LYPLAL1: variants seen among roughly 807,000 people sequenced by gnomAD.
LYPLAL1 encodes lysophospholipase like 1.
In LYPLAL1, 23 loss-of-function variants were observed where a neutral mutation model predicts 19.7. The observed-to-expected ratio is 1.17, with a 90% CI of 0.84 to 1.65. The LOEUF (loss-of-function observed/expected upper bound fraction) is 1.65. LYPLAL1 is among the 40% of genes most tolerant of loss of function. The pLI is 0.00. For missense variants in LYPLAL1, 355 were observed against 279.4 expected (o/e 1.27, Z -1.93); for synonymous variants, 119 against 96.3 (o/e 1.24, Z -1.38).
At chr1:219,223,084 CTG>C in the LYPLAL1 span, 1 of 151,946 alleles carries the variant, frequency 6.6e-6, no homozygotes, top group East Asian at 1.9e-4. Context: ...ATAGCAGTAA[CTG>C]TTGTCTGAAA....
chr1:219,422,452 T>C, the LYPLAL1 span, among the ~76,000 whole-genome samples: 4 of 152,138 alleles, frequency 2.6e-5, no homozygotes, highest in Non-Finnish European at 4.4e-5. Flanking sequence ...ACAAATGCCA[T>C]GCACAGAGCA....
At chr1:219,215,866 C>G (rs908582130), downstream of LYPLAL1, among the ~76,000 whole-genome samples, 1 of 152,112 alleles carries the variant, frequency 6.6e-6, no homozygotes, top group African/African-American at 2.4e-5. Flanking sequence ...CCATGTGTTT[C>G]TTTCTTTGTT....
At chr1:219,419,781 C>A in the LYPLAL1 span, among the ~76,000 whole-genome samples, 1 of 152,212 alleles carries the variant, frequency 6.6e-6, no homozygotes, top group Admixed American at 6.5e-5. Flanking sequence ...ACATCACCAA[C>A]AATAGCAGAT....
At chr1:219,254,392 AGT>A in the LYPLAL1 span, among the ~76,000 whole-genome samples, 1 of 151,796 alleles carries the variant, frequency 6.6e-6, no homozygotes, top group Admixed American at 6.6e-5. Flanking sequence ...TGTGGGTTTA[AGT>A]GTGTTTTTGT....
the LYPLAL1 span, among the ~76,000 whole-genome samples, chr1:219,258,040 T>C: frequency 6.6e-6 from 1 of 152,046 alleles, no homozygotes; most frequent in Non-Finnish European, 1.5e-5. Flanking sequence ...GTTTATAGGC[T>C]CTCTGCAAGG....
chr1:219,401,973 T>C, the LYPLAL1 span, among the ~76,000 whole-genome samples: 4 of 152,206 alleles, frequency 2.6e-5, no homozygotes, highest in Admixed American at 1.3e-4. Flanking sequence ...TATATAAGTA[T>C]GTTGCCCTAG....
chr1:219,207,544 G>A lies in LYPLAL1; in HGVS notation c.362-2988G>A, dbSNP rs79037205. Among the ~76,000 whole-genome samples the A allele has an allele frequency of 6.2e-3, 941 of 152,056 alleles. 12 individuals are homozygous for A. The highest frequency in any genetic ancestry group is 0.02 in the African/African-American group (835 of 41,512). On this transcript the variant is annotated intron_variant, in intron 3 of 4. Transcript: ENST00000366928. ...AAATTTGTCTCCTTGCAGAGATATT[G>A]TTACTGAGTTACAGTTACATTGTTC...
At chr1:219,425,402 T>A in the LYPLAL1 span, among the ~76,000 whole-genome samples, 1 of 152,222 alleles carries the variant, frequency 6.6e-6, no homozygotes, top group Non-Finnish European at 1.5e-5. Context: ...AGAGCTTTGA[T>A]TCAAAATATA....
At chr1:219,334,682 G>A in the LYPLAL1 span, among the ~76,000 whole-genome samples, 1 of 151,876 alleles carries the variant, frequency 6.6e-6, no homozygotes, top group Admixed American at 6.6e-5. Context: ...TCCTTAGTAT[G>A]AAATAGATTC....
intron 2 of LYPLAL1, among the ~76,000 whole-genome samples, chr1:219,185,900 CCCT>C (rs1656681929): frequency 6.6e-6 from 1 of 151,874 alleles, no homozygotes; most frequent in African/African-American, 2.4e-5. Context: ...TAGTACTCTT[CCCT>C]CATTAGTTAA....
chr1:219,417,497 T>C, the LYPLAL1 span, among the ~76,000 whole-genome samples: 1 of 152,226 alleles, frequency 6.6e-6, no homozygotes, highest in Admixed American at 6.5e-5. Flanking sequence ...TGTAACATTC[T>C]GTAAAAGGTT....
chr1:219,306,845 T>TAGACAGACAGAC, the LYPLAL1 span, among the ~76,000 whole-genome samples: 317 of 83,222 alleles, frequency 3.8e-3, 4 homozygotes, highest in African/African-American at 8.7e-3. Context: ...GATAGATAGA[T>TAGACAGACAGAC]AGATAGACAG....
At chr1:219,247,912 A>T in the LYPLAL1 span, among the ~76,000 whole-genome samples, 1 of 147,530 alleles carries the variant, frequency 6.8e-6, no homozygotes, top group South Asian at 2.1e-4. Context: ...AGAGAGGGTT[A>T]AAAAAAACCT....
chr1:219,276,985 T>G, the LYPLAL1 span, among the ~76,000 whole-genome samples: 1 of 152,162 alleles, frequency 6.6e-6, no homozygotes, highest in Non-Finnish European at 1.5e-5. Flanking sequence ...GACTTCCATA[T>G]TTTTCCCTAT....
intron 1 of LYPLAL1, chr1:219,175,044 T>C (rs765297318): frequency 5.1e-6 from 5 of 985,298 alleles, no homozygotes; most frequent in Non-Finnish European, 4.8e-6. Context: ...GGACGGTGAT[T>C]GGAAGGGAAT....
At chr1:219,346,608 A>G in the LYPLAL1 span, among the ~76,000 whole-genome samples, 1 of 152,198 alleles carries the variant, frequency 6.6e-6, no homozygotes, top group South Asian at 2.1e-4. Context: ...ATACTGGCAG[A>G]GAGACGCTGT....
At chr1:219,332,741 G>GTT in the LYPLAL1 span, among the ~76,000 whole-genome samples, 49,285 of 148,554 alleles carry the variant, frequency 0.33, 8,741 homozygotes, top group Admixed American at 0.4. Flanking sequence ...GCAACTAAAT[G>GTT]TTTTTTTTTA....
At chr1:219,303,005 G>T in the LYPLAL1 span, among the ~76,000 whole-genome samples, 1 of 152,112 alleles carries the variant, frequency 6.6e-6, no homozygotes, top group Non-Finnish European at 1.5e-5. Context: ...TCACAAAATA[G>T]ACTATGAGCT....
the LYPLAL1 span, among the ~76,000 whole-genome samples, chr1:219,302,698 A>C: frequency 6.6e-6 from 1 of 152,176 alleles, no homozygotes; most frequent in South Asian, 2.1e-4. Context: ...GGTTCTCATT[A>C]AGAGTTAGTT....
Sources: gnomAD v4.1 joint callset for allele counts (sites outside exome capture counted in the v4.1 genomes callset) on GRCh38, gnomAD v4.1.1 for gene constraint, MANE v1.5 for transcripts, NCBI Gene and HGNC (gene_info 2026-07-23, HGNC 2026-07-21) for gene names.